The following SRPK2 variants were observed in gnomAD, a reference collection of about 807,000 sequenced individuals.
SRPK2 encodes the protein SFRS protein kinase 2.
A neutral mutation model predicts 90.8 loss-of-function variants in SRPK2; 21 were observed. The ratio of observed to expected loss-of-function variants is 0.23; its 90% CI spans 0.16 to 0.33. The LOEUF (loss-of-function observed/expected upper bound fraction) is 0.33. SRPK2 is among the 10% of genes least tolerant of loss of function. The pLI is 1.00. For missense variants in SRPK2, 620 were observed against 869.0 expected, an observed-to-expected ratio of 0.71 and a Z score of 3.60; for synonymous variants, 288 against 311.1, an observed-to-expected ratio of 0.93 and a Z score of 0.78.
chr7:105,255,069 T>C (rs1279364319), intron 2 of SRPK2, among the ~76,000 whole-genome samples: 1 of 148,626 alleles, frequency 6.7e-6, no homozygotes, highest in African/African-American at 2.4e-5. Flanking sequence ...CTTTAATGAT[T>C]AACAGCTCAG....
At chr7:105,282,394 C>T (rs1807461007) in intron 2 of SRPK2, among the ~76,000 whole-genome samples, 1 of 152,168 alleles carries the variant, frequency 6.6e-6, no homozygotes, top group African/African-American at 2.4e-5. Context: ...AATGAATCTT[C>T]ATAACCTTAG....
intron 7 of SRPK2, among the ~76,000 whole-genome samples, chr7:105,157,855 C>T (rs917474090): frequency 6.6e-6 from 1 of 152,050 alleles, no homozygotes; most frequent in African/African-American, 2.4e-5. Flanking sequence ...TGCTTGAGTC[C>T]AGGAGACAAA....
chr7:105,121,393 GAAA>G (rs1285062651), intron 15 of SRPK2, among the ~76,000 whole-genome samples: 2 of 150,628 alleles, frequency 1.3e-5, no homozygotes, highest in Non-Finnish European at 3.0e-5. Flanking sequence ...AAAAAAGAGA[GAAA>G]AGAAAATATA....
chr7:105,297,356 A>C, intron 2 of SRPK2: 1 of 539,416 alleles, frequency 1.9e-6, no homozygotes, highest in Non-Finnish European at 2.4e-6. Context: ...CAGTGATCAC[A>C]AGTGCTGGAA....
At chr7:105,275,037 G>A (rs1418475591) in intron 2 of SRPK2, among the ~76,000 whole-genome samples, 8 of 151,972 alleles carry the variant, frequency 5.3e-5, no homozygotes, top group African/African-American at 9.7e-5. Flanking sequence ...ACAAGCACCC[G>A]CCACCACGCC....
At chr7:105,300,807 CACA>C (rs1352018940) in intron 2 of SRPK2, among the ~76,000 whole-genome samples, 1 of 152,054 alleles carries the variant, frequency 6.6e-6, no homozygotes, top group African/African-American at 2.4e-5. Flanking sequence ...AAATCAAAAC[CACA>C]ACGAGATACC....
rs1487426834 is a variant in SRPK2 at position 105,116,390 on chromosome 7, C to A, written c.*1448G>T. The A allele has an allele frequency of 2.0e-5, 3 of 151,616 alleles. No homozygotes were observed. The highest frequency in any genetic ancestry group is 4.4e-5 in the Non-Finnish European group (3 of 67,754). The allele number at this position is 151,616 out of a possible 1,614,324, so 9.4% of individuals were successfully genotyped here. On this transcript the variant is annotated 3_prime_UTR_variant, in exon 16 of 16. Transcript: ENST00000393651. Reference sequence around the variant, plus strand: ...AAGGCAATGTCTGGAAAAAAAAAAACCAAAACACTTTAATTTTTAAGACAA... The same window carrying A: ...AAGGCAATGTCTGGAAAAAAAAAAAACAAAACACTTTAATTTTTAAGACAA...
chr7:105,370,234 T>C (rs1287504061), intron 2 of SRPK2, among the ~76,000 whole-genome samples: 4 of 152,138 alleles, frequency 2.6e-5, no homozygotes, highest in African/African-American at 9.7e-5. Flanking sequence ...TCAATGAAAC[T>C]TCGGCTTCCT....
Position 105,203,737 on chromosome 7 carries a change from TGGCGGTGGA to T in SRPK2, c.111_119del (p.Pro45_Pro47del). ...GCAAAGGTGGCGGTGGTGGTGGTGG[TGGCGGTGGA>T]GGAGGAGGAACTAAAGGAGCTTTCT... On this transcript the variant is annotated inframe_deletion, in exon 3 of 16. Transcript: ENST00000393651. 3.7e-6 allele frequency: 5 copies of T among 1,365,788 alleles called. No individual in the cohort carries two copies. Among genetic ancestry groups the T allele is most frequent in the Non-Finnish European group, 2.1e-6 (2 of 973,270 alleles). The allele number at this position is 1,365,788 out of a possible 1,614,324, so 84.6% of individuals were successfully genotyped here.
At chr7:105,294,694 T>A (rs1374131124) in intron 2 of SRPK2, among the ~76,000 whole-genome samples, 1 of 151,968 alleles carries the variant, frequency 6.6e-6, no homozygotes, top group Non-Finnish European at 1.5e-5. Flanking sequence ...CCTGGCTAAT[T>A]TTTCTATTTT....
intron 2 of SRPK2, chr7:105,269,095 C>T: frequency 8.5e-7 from 1 of 1,172,032 alleles, no homozygotes; most frequent in Non-Finnish European, 1.1e-6. Flanking sequence ...CAGGAAGTAC[C>T]ATTTCTTTAA....
At chr7:105,349,184 G>A (rs1410972078) in intron 2 of SRPK2, among the ~76,000 whole-genome samples, 2 of 140,534 alleles carry the variant, frequency 1.4e-5, no homozygotes, top group East Asian at 2.2e-4. Context: ...GGGAGGGGAG[G>A]GGATGGAGGG....
chr7:105,209,240 A>G (rs1371976996), intron 2 of SRPK2, among the ~76,000 whole-genome samples: 1 of 152,194 alleles, frequency 6.6e-6, no homozygotes, highest in Non-Finnish European at 1.5e-5. Context: ...CATGTACTAT[A>G]AGAAATATAA....
At chr7:105,124,578 T>C (rs1021342944) in intron 15 of SRPK2, among the ~76,000 whole-genome samples, 12 of 133,934 alleles carry the variant, frequency 9.0e-5, no homozygotes, top group Non-Finnish European at 3.1e-5. Flanking sequence ...GAGGCGGAAG[T>C]TGCAGTGAGC....
intron 3 of SRPK2, among the ~76,000 whole-genome samples, chr7:105,177,300 AATT>A (rs1246946983): frequency 6.6e-6 from 1 of 152,180 alleles, no homozygotes; most frequent in Non-Finnish European, 1.5e-5. Context: ...CTGAAAAAAA[AATT>A]ATTTAGAACA....
chr7:105,380,374 C>G (rs917064884), intron 2 of SRPK2, among the ~76,000 whole-genome samples: 1 of 151,974 alleles, frequency 6.6e-6, no homozygotes, highest in African/African-American at 2.4e-5. Context: ...TCTAGTGATC[C>G]TCACTGATCT....
chr7:105,296,634 T>C (rs1458902736), intron 2 of SRPK2, among the ~76,000 whole-genome samples: 2 of 152,084 alleles, frequency 1.3e-5, no homozygotes, highest in Non-Finnish European at 2.9e-5. Context: ...ACTAAGGAAA[T>C]CTGATTTCAG....
upstream of SRPK2, among the ~76,000 whole-genome samples, chr7:105,390,607 G>GTTTTTTTTTTTTTTTTTTT (rs869259356): frequency 3.7e-5 from 4 of 108,996 alleles, no homozygotes; most frequent in East Asian, 4.3e-4. Flanking sequence ...TTTTGTTTTT[G>GTTTTTTTTTTTTTTTTTTT]TTTTTTTTTT....
chr7:105,329,863 C>T (rs1814073834), intron 2 of SRPK2, among the ~76,000 whole-genome samples: 1 of 151,220 alleles, frequency 6.6e-6, no homozygotes, highest in Non-Finnish European at 1.5e-5. Context: ...AACCCCGTCT[C>T]TACTAAAAAA....
Sources: gnomAD v4.1 joint callset for allele counts (sites outside exome capture counted in the v4.1 genomes callset) on GRCh38, gnomAD v4.1.1 for gene constraint, MANE v1.5 for transcripts, NCBI Gene and HGNC (gene_info 2026-07-23, HGNC 2026-07-21) for gene names.